The following SLC25A25 variants were observed in gnomAD, a reference collection of about 807,000 sequenced individuals.
SLC25A25 encodes the protein mitochondrial adenyl nucleotide antiporter SLC25A25.
In SLC25A25, 32 loss-of-function variants were observed where a neutral mutation model predicts 57.7. The ratio of observed to expected loss-of-function variants is 0.55; its 90% CI spans 0.42 to 0.74. SLC25A25 has a LOEUF of 0.74. Among genes scored for constraint, SLC25A25 ranks in the 30% least tolerant of loss-of-function variants. The pLI, the probability that SLC25A25 is intolerant of heterozygous loss-of-function variation, is 0.00. For missense variants in SLC25A25, 556 were observed against 701.3 expected (o/e 0.79, Z 2.34); for synonymous variants, 306 against 291.2 (o/e 1.05, Z -0.52).
chr9:128,095,846 T>C lies in SLC25A25; in HGVS notation c.262-5250T>C, dbSNP rs1833543061. On this transcript the variant is annotated intron_variant, in intron 1 of 10. Transcript: ENST00000373069. The surrounding 1 kb of genome is among the most constrained non-coding windows in gnomAD (Gnocchi z 4.4). ...AGAAAAAAGAAGAAGAATACAGGTT[T>C]CACTTTTATTTAGTATCATTTTCAA... 6.6e-6 allele frequency among the ~76,000 whole-genome samples: 1 copy of C among 152,122 alleles called. No homozygotes were observed. Among genetic ancestry groups the C allele is most frequent in the African/African-American group, 2.4e-5 (1 of 41,410 alleles).
rs987552711 is a variant in SLC25A25, at chr9:128,099,884, G to A, written c.262-1212G>A. Among the ~76,000 whole-genome samples the A allele has an allele frequency of 3.9e-5, 6 of 152,186 alleles. No individual in the cohort carries two copies. The highest frequency in any genetic ancestry group is 1.4e-4 in the African/African-American group (6 of 41,440). ...GCTGTCAGTTGATTTCTCCCAGTGA[G>A]AAATCCGGAGGACACAGGAAGACTA... On this transcript the variant is annotated intron_variant, in intron 1 of 10. Coordinates refer to ENST00000373069, the MANE Select transcript of SLC25A25 (RefSeq NM_001330988.2). This position sits in a 1 kb window ranked among gnomAD's most constrained non-coding sequence, Gnocchi z 6.8.
Position 128,102,053 on chromosome 9 carries a change from C to T in SLC25A25, c.477-27C>T. On this transcript the variant is annotated intron_variant, in intron 3 of 10. Transcript: ENST00000373069. This position sits in a 1 kb window ranked among gnomAD's most constrained non-coding sequence, Gnocchi z 4.1. ...CTTATGCGTGTTGTTTCTGCTCTCT[C>T]CTCCGCATCCTTTGTCTGTCTGTCA... The T allele has an allele frequency of 6.4e-7, 1 of 1,550,532 alleles. No individual in the cohort carries two copies. Among genetic ancestry groups the T allele is most frequent in the Non-Finnish European group, 8.7e-7 (1 of 1,146,936 alleles).
chr9:128,094,982 G>A (rs1833517016), intron 1 of SLC25A25, among the ~76,000 whole-genome samples: 1 of 152,204 alleles, frequency 6.6e-6, no homozygotes, highest in African/African-American at 2.4e-5. Context: ...ATAATAAAGA[G>A]CAGCGAGGCA....
Position 128,107,512 on chromosome 9 carries a change from C to G in SLC25A25, c.*68C>G. 1 of 1,476,648 alleles carries G rather than the reference C, an allele frequency of 6.8e-7. No individual in the cohort carries two copies. Among genetic ancestry groups the G allele is most frequent in the Non-Finnish European group, 9.0e-7 (1 of 1,108,984 alleles). The allele number at this position is 1,476,648 out of a possible 1,614,324, so 91.5% of individuals were successfully genotyped here. ...CGCAGCCTGGGGTGTGCAGCCATCTCATTCTGTGAATGTGCCAACACTAAG... is the reference window on the plus strand; with the variant it reads ...CGCAGCCTGGGGTGTGCAGCCATCTGATTCTGTGAATGTGCCAACACTAAG... On this transcript the variant is annotated 3_prime_UTR_variant, in exon 11 of 11. Transcript: ENST00000373069.
rs778219605 is a variant in SLC25A25 at position 128,103,849 on chromosome 9, G to A, written c.783+10G>A. The stretch of plus-strand genomic sequence containing the variant: ...CAAGGTGCTCATGCAGGTATGTAGG[G>A]AAAAGGCCCCAGACCCCTGGGGGGC... On this transcript the variant is annotated intron_variant, in intron 6 of 10. Transcript: ENST00000373069. The surrounding 1 kb of genome is among the most constrained non-coding windows in gnomAD (Gnocchi z 6.7). 4 of 1,555,100 alleles carry A rather than the reference G, an allele frequency of 2.6e-6. No homozygotes were observed. The highest frequency in any genetic ancestry group is 3.8e-5 in the Admixed American group (2 of 52,748).
chr9:128,097,854 T>C (rs1039118953), intron 1 of SLC25A25, among the ~76,000 whole-genome samples: 9 of 151,260 alleles, frequency 6.0e-5, no homozygotes, highest in African/African-American at 2.2e-4. Flanking sequence ...CTGGAAGAGG[T>C]TTCAATGCAA....
chr9:128,084,260 AT>A (rs58266648), intron 1 of SLC25A25, among the ~76,000 whole-genome samples: 22,081 of 139,528 alleles, frequency 0.16, 1,632 homozygotes, highest in South Asian at 0.23. Context: ...ATTAAAACAG[AT>A]TTTTTTTTTT....
intron 1 of SLC25A25, chr9:128,091,673 G>A (rs1833410425): frequency 8.6e-6 from 11 of 1,283,408 alleles, no homozygotes; most frequent in Non-Finnish European, 1.1e-5. Context: ...CCCTTAGAGT[G>A]AGCTACTTCT....
At position 128,103,548 on chromosome 9, in the gene SLC25A25, C is replaced by G; in HGVS notation, c.625-133C>G. Reference sequence around the variant, plus strand: ...AAGGGAAAGACCCCAGCCCGCTTCCCACCCAGAGTCCTTGGCCTTCTCCCT... The same window carrying G: ...AAGGGAAAGACCCCAGCCCGCTTCCGACCCAGAGTCCTTGGCCTTCTCCCT... On this transcript the variant is annotated intron_variant, in intron 5 of 10. Coordinates refer to ENST00000373069, the MANE Select transcript of SLC25A25 (RefSeq NM_001330988.2). This position sits in a 1 kb window ranked among gnomAD's most constrained non-coding sequence, Gnocchi z 6.7. The G allele has an allele frequency of 1.8e-6, 2 of 1,086,840 alleles. No homozygotes were observed. The highest frequency in any genetic ancestry group is 2.7e-6 in the Non-Finnish European group (2 of 743,382). 67.3% of individuals were successfully genotyped at this position (1,086,840 alleles called of 1,614,324 possible).
At chr9:128,105,671 C>G in intron 6 of SLC25A25, 58 bp from the exon 7 acceptor site, 1 of 1,610,814 alleles carries the variant, frequency 6.2e-7, no homozygotes, top group Non-Finnish European at 8.5e-7. Context: ...GGCTCTTGGC[C>G]GGGTGAGGCA....
chr9:128,069,936 T>TG (rs1832864852), intron 1 of SLC25A25, among the ~76,000 whole-genome samples: 1 of 140,584 alleles, frequency 7.1e-6, no homozygotes, highest in Non-Finnish European at 1.5e-5. Context: ...TTTTTTTTTT[T>TG]TGAGAGAGTC....
intron 1 of SLC25A25, among the ~76,000 whole-genome samples, chr9:128,070,479 G>A (rs577893646): frequency 6.6e-6 from 1 of 151,446 alleles, no homozygotes; most frequent in South Asian, 2.1e-4. Context: ...GACCTCAGGT[G>A]ATCCACCTGC....
rs73612030 is a variant in SLC25A25 at position 128,103,595 on chromosome 9, A to C, written c.625-86A>C. ...CCCTGTCCTGTGGTCCCTGGCCTGG[A>C]GCCGTGCTAGAGGGTAGACGGCGAC... On this transcript the variant is annotated intron_variant, in intron 5 of 10. Coordinates refer to ENST00000373069, the MANE Select transcript of SLC25A25 (RefSeq NM_001330988.2). The surrounding 1 kb of genome is among the most constrained non-coding windows in gnomAD (Gnocchi z 6.7). 7.3e-4 allele frequency: 1,145 copies of C among 1,564,130 alleles called. 13 individuals are homozygous for C. In the African/African-American group the frequency reaches 0.012, roughly 16 times the overall value.
At chr9:128,069,199 A>AT (rs1371546916) in intron 1 of SLC25A25, among the ~76,000 whole-genome samples, 1 of 151,950 alleles carries the variant, frequency 6.6e-6, no homozygotes, top group Non-Finnish European at 1.5e-5. Context: ...TCCGGGGGAA[A>AT]TTTTTTTTCT....
Position 128,107,791 on chromosome 9 carries a change from C to A in SLC25A25, c.*347C>A, listed in dbSNP as rs951349204. 3 of 406,064 alleles carry A rather than the reference C, an allele frequency of 7.4e-6. No homozygotes were observed. Among genetic ancestry groups the A allele is most frequent in the African/African-American group, 6.1e-5 (3 of 48,792 alleles). 25.2% of individuals were successfully genotyped at this position (406,064 alleles called of 1,614,324 possible). On this transcript the variant is annotated 3_prime_UTR_variant, in exon 11 of 11. Coordinates refer to ENST00000373069, the MANE Select transcript of SLC25A25 (RefSeq NM_001330988.2). ...GCTTAGTTCTTCCATTTCACCCTTGCAGCCAGCTGTTGGCCACGGCCCCTG... is the reference window on the plus strand; with the variant it reads ...GCTTAGTTCTTCCATTTCACCCTTGAAGCCAGCTGTTGGCCACGGCCCCTG...
At chr9:128,079,557 G>A (rs1482435324) in intron 1 of SLC25A25, among the ~76,000 whole-genome samples, 3 of 141,078 alleles carry the variant, frequency 2.1e-5, no homozygotes, top group Admixed American at 7.5e-5. Flanking sequence ...TCAGGAGTTC[G>A]AGACCAGCCT....
intron 1 of SLC25A25, chr9:128,091,824 C>T: frequency 6.4e-7 from 1 of 1,562,426 alleles, no homozygotes; most frequent in Non-Finnish European, 8.7e-7. Context: ...TGGTCACATC[C>T]CTCAAAAGTG....
chr9:128,085,345 G>T (rs1833252243), intron 1 of SLC25A25, among the ~76,000 whole-genome samples: 1 of 138,418 alleles, frequency 7.2e-6, no homozygotes, highest in African/African-American at 2.6e-5. Flanking sequence ...AAAAAAAAAA[G>T]AATTGGAACA....
chr9:128,106,224 G>A lies in SLC25A25; in HGVS notation c.1011G>A (p.Gly337=), dbSNP rs1834027886. ...GGCTTGTGGCAGGGTCCTTGGCAGG[G>A]GCCATCGCCCAGAGCAGCATCTACC... ...HERLVAGSLA[G]AIAQSSIYPM... The change falls in exon 8 of 11, where the codon GGG becomes GGA. Residue 337 remains glycine, a synonymous_variant. Coordinates refer to ENST00000373069, the MANE Select transcript of SLC25A25 (RefSeq NM_001330988.2). 2 of 1,614,174 alleles carry A rather than the reference G, an allele frequency of 1.2e-6. No homozygotes were observed.
Sources: allele counts gnomAD v4.1 joint callset (sites outside exome capture counted in the v4.1 genomes callset), GRCh38; gene constraint gnomAD v4.1.1; non-coding constraint Gnocchi (gnomAD v3.1); transcripts MANE v1.5; gene names NCBI Gene and HGNC (gene_info 2026-07-23, HGNC 2026-07-21).